The following CCDC57 variants were observed in gnomAD, a reference collection of about 807,000 sequenced individuals.
CCDC57 encodes the protein coiled-coil domain-containing protein 57.
Under a neutral mutation model 118.9 loss-of-function variants are expected in CCDC57, and 118 were observed. The observed-to-expected ratio is 0.99, with a 90% CI of 0.86 to 1.16. The LOEUF (loss-of-function observed/expected upper bound fraction) is 1.16. CCDC57 is among the 50% of genes most tolerant of loss of function. The probability of loss-of-function intolerance (pLI) is 0.00; values close to 1 mark genes in which losing one functional copy is unlikely to be tolerated. For missense variants in CCDC57, 1,300 were observed against 1,320.7 expected (o/e 0.98, Z 0.24); for synonymous variants, 527 against 532.9 (o/e 0.99, Z 0.15).
At chr17:82,141,020 C>A in intron 16 of CCDC57, among the ~76,000 whole-genome samples, 1 of 150,850 alleles carries the variant, frequency 6.6e-6, no homozygotes, top group East Asian at 1.9e-4. Context: ...TTTATTTATT[C>A]TTTTTTTTGA....
At chr17:82,197,768 C>T (rs1295879456) in intron 4 of CCDC57, among the ~76,000 whole-genome samples, 1 of 152,132 alleles carries the variant, frequency 6.6e-6, no homozygotes, top group East Asian at 1.9e-4. Flanking sequence ...CTGAATAGAA[C>T]GAAATGCAAG....
At chr17:82,131,547 C>A (rs570862413) in intron 17 of CCDC57, among the ~76,000 whole-genome samples, 2 of 152,178 alleles carry the variant, frequency 1.3e-5, no homozygotes, top group East Asian at 3.9e-4. Flanking sequence ...TTGAGACCAG[C>A]CTGAGTGACA....
chr17:82,145,334 G>A (rs752285891), intron 16 of CCDC57, among the ~76,000 whole-genome samples: 48 of 147,028 alleles, frequency 3.3e-4, no homozygotes, highest in African/African-American at 1.2e-3. Flanking sequence ...ATCACTTGAG[G>A]TCATGAGTAT....
At chr17:82,125,865 C>A (rs903349071) in intron 19 of CCDC57, among the ~76,000 whole-genome samples, 1 of 152,104 alleles carries the variant, frequency 6.6e-6, no homozygotes, top group African/African-American at 2.4e-5. Flanking sequence ...CCGAACGAAC[C>A]GTCCGGATAT....
At chr17:82,166,793 G>A (rs1250829699) in intron 13 of CCDC57, among the ~76,000 whole-genome samples, 1 of 151,408 alleles carries the variant, frequency 6.6e-6, no homozygotes, top group African/African-American at 2.4e-5. Flanking sequence ...CCTGTAGCCT[G>A]TAGTCCCAGT....
chr17:82,132,407 T>G (rs142297839), intron 17 of CCDC57, among the ~76,000 whole-genome samples: 1 of 151,108 alleles, frequency 6.6e-6, no homozygotes, highest in East Asian at 1.9e-4. Flanking sequence ...GCGGAGGGAG[T>G]GTTCTGGGTT....
chr17:82,177,735 G>A (rs529365656), intron 11 of CCDC57, among the ~76,000 whole-genome samples: 1 of 152,304 alleles, frequency 6.6e-6, no homozygotes, highest in African/African-American at 2.4e-5. Flanking sequence ...GGTGGGACCA[G>A]CAGGGGCAGG....
In CCDC57 at chr17:82,105,152, G is replaced by C. The variant is rs541532758; in HGVS notation, c.2900-3286C>G. ...CAGACGGTGAGCCCACGCCTTCCCTGGTTCTCCAGAGCCTGCCTTGGGGCT... is the reference window on the plus strand; with the variant it reads ...CAGACGGTGAGCCCACGCCTTCCCTCGTTCTCCAGAGCCTGCCTTGGGGCT... On this transcript the variant is annotated intron_variant, in intron 19 of 19. Transcript: ENST00000665763. 2 of 152,440 alleles carry C rather than the reference G, an allele frequency of 1.3e-5. 1 individual carries two copies. Among genetic ancestry groups the C allele is most frequent in the South Asian group, 4.1e-4 (2 of 4,826 alleles). The allele number at this position is 152,440 out of a possible 1,614,324, so 9.4% of individuals were successfully genotyped here.
Position 82,101,878 on chromosome 17 carries a change from A to G in CCDC57, c.2900-12T>C. 6.4e-7 allele frequency: 1 copy of G among 1,559,174 alleles called. No individual in the cohort carries two copies. Among genetic ancestry groups the G allele is most frequent in the South Asian group, 1.2e-5 (1 of 84,116 alleles). On this transcript the variant is annotated splice_polypyrimidine_tract_variant and intron_variant, in intron 19 of 19. Transcript: ENST00000665763. The stretch of plus-strand genomic sequence containing the variant: ...AGGAGCTGGGAGCTCTGTCAGGTAA[A>G]GAGGAAAAAACAGCATGCATCAGGA...
chr17:82,103,438 A>T (rs1245319978), intron 19 of CCDC57, among the ~76,000 whole-genome samples: 1 of 151,124 alleles, frequency 6.6e-6, no homozygotes, highest in African/African-American at 2.4e-5. Flanking sequence ...AGCCTGCCTG[A>T]CCTCCTGGTC....
At chr17:82,160,664 G>T (rs1297602190) in intron 14 of CCDC57, among the ~76,000 whole-genome samples, 1 of 152,106 alleles carries the variant, frequency 6.6e-6, no homozygotes, top group East Asian at 1.9e-4. Context: ...CACCTGAGGT[G>T]AGGAGTTCGA....
At chr17:82,186,295 C>A (rs2046911684) in intron 8 of CCDC57, among the ~76,000 whole-genome samples, 1 of 152,144 alleles carries the variant, frequency 6.6e-6, no homozygotes, top group Non-Finnish European at 1.5e-5. Context: ...TATTTACGGA[C>A]AGAAAACGAA....
chr17:82,200,258 G>A (rs1435163566), intron 3 of CCDC57, among the ~76,000 whole-genome samples: 1 of 152,168 alleles, frequency 6.6e-6, no homozygotes, highest in Admixed American at 6.5e-5. Flanking sequence ...TTAAAAGGGC[G>A]TGGCAGAACC....
chr17:82,147,083 TG>T (rs1445580391), intron 16 of CCDC57, among the ~76,000 whole-genome samples: 1 of 152,114 alleles, frequency 6.6e-6, no homozygotes, highest in East Asian at 1.9e-4. Flanking sequence ...CTCTACTGGA[TG>T]GGTGGATGGA....
intron 16 of CCDC57, chr17:82,135,106 CA>C: frequency 8.7e-6 from 1 of 114,858 alleles, no homozygotes; most frequent in Non-Finnish European, 1.8e-5. Flanking sequence ...TTGAAACAGA[CA>C]TTTTTTTTTT....
intron 5 of CCDC57, 164 bp from the exon 5 acceptor site, chr17:82,194,303 C>A: frequency 3.1e-6 from 2 of 638,274 alleles, no homozygotes; most frequent in Non-Finnish European, 4.9e-6. Context: ...AAACGAGACT[C>A]AATGACTTTT....
chr17:82,175,457 T>G (rs1292936257), intron 11 of CCDC57: 1 of 152,250 alleles, frequency 6.6e-6, no homozygotes, highest in Non-Finnish European at 1.5e-5. Context: ...TGCCTCCCAT[T>G]CTATTCAAAG....
Position 82,118,964 on chromosome 17 carries a change from G to A in CCDC57, c.2899+8728C>T, listed in dbSNP as rs761690105. 9.2e-5 allele frequency among the ~76,000 whole-genome samples: 14 copies of A among 151,492 alleles called. No individual in the cohort carries two copies. Among genetic ancestry groups the A allele is most frequent in the Non-Finnish European group, 1.5e-4 (10 of 67,910 alleles). On this transcript the variant is annotated intron_variant, in intron 19 of 19. Coordinates refer to ENST00000665763, the Ensembl canonical transcript of CCDC57. This position sits in a 1 kb window ranked among gnomAD's most constrained non-coding sequence, Gnocchi z 4.7. ...ATGCCTGGTAGTGTGTGGTCCCCGT[G>A]AGAGGAAGCGGAGATCAGAGTAAGC...
chr17:82,129,741 C>A (rs2038045038), intron 17 of CCDC57, among the ~76,000 whole-genome samples: 1 of 152,030 alleles, frequency 6.6e-6, no homozygotes, highest in African/African-American at 2.4e-5. Flanking sequence ...CTTATTTCTT[C>A]TCATATGGCA....
Sources: gnomAD v4.1 joint callset for allele counts (sites outside exome capture counted in the v4.1 genomes callset) on GRCh38, gnomAD v4.1.1 for gene constraint, Gnocchi (gnomAD v3.1) non-coding constraint, MANE v1.5 for transcripts, NCBI Gene and HGNC (gene_info 2026-07-23, HGNC 2026-07-21) for gene names.